PAMR1: variants seen among roughly 807,000 people sequenced by gnomAD.
PAMR1 encodes inactive serine protease PAMR1.
In PAMR1, 88 loss-of-function variants were observed where a neutral mutation model predicts 81.8. The ratio of observed to expected loss-of-function variants is 1.08; its 90% CI spans 0.91 to 1.28. The LOEUF (loss-of-function observed/expected upper bound fraction) is 1.28, where lower values mean the gene tolerates loss of function less well. Ranked by LOEUF, PAMR1 falls within the 50% of genes most tolerant of loss-of-function variation. The probability of loss-of-function intolerance (pLI) is 0.00; values close to 1 mark genes in which losing one functional copy is unlikely to be tolerated. For synonymous variants in PAMR1, 336 were observed against 345.3 expected (o/e 0.97, Z 0.30); for missense variants, 935 against 919.7 (o/e 1.02, Z -0.21).
intron 3 of PAMR1, among the ~76,000 whole-genome samples, chr11:35,489,989 G>A (rs1009091042): frequency 2.0e-5 from 3 of 152,232 alleles, no homozygotes; most frequent in Non-Finnish European, 4.4e-5. Context: ...CTGAGACTGG[G>A]TAATTTGTAA....
At chr11:35,528,782 C>A (rs7937700), upstream of PAMR1, among the ~76,000 whole-genome samples, 3,735 of 152,228 alleles carry the variant, frequency 0.025, 162 homozygotes, top group African/African-American at 0.085. Context: ...AGAGGCCCTT[C>A]TTCTGTTTCT....
chr11:35,463,654 A>G (rs1303494401), intron 6 of PAMR1, among the ~76,000 whole-genome samples: 2 of 152,196 alleles, frequency 1.3e-5, no homozygotes, highest in Non-Finnish European at 2.9e-5. Flanking sequence ...GCAGGAGGCT[A>G]GCTTGGCCTC....
upstream of PAMR1, chr11:35,530,079 G>A (rs763497287): frequency 6.6e-6 from 1 of 152,162 alleles, no homozygotes; most frequent in Non-Finnish European, 1.5e-5. Flanking sequence ...CACTGGGAAA[G>A]CCAGAGGAAA....
At chr11:35,452,542 G>A (rs1263822851) in intron 6 of PAMR1, among the ~76,000 whole-genome samples, 1 of 152,156 alleles carries the variant, frequency 6.6e-6, no homozygotes, top group East Asian at 1.9e-4. Flanking sequence ...AAGCAGCCAA[G>A]GGTTGGGGGA....
intron 5 of PAMR1, 121 bp from the exon 6 acceptor site, chr11:35,468,229 C>T (rs891014937): frequency 1.8e-5 from 11 of 605,770 alleles, no homozygotes; most frequent in Middle Eastern, 2.6e-4. Context: ...TTTTTCTTCC[C>T]TTTACTGAAT....
intron 6 of PAMR1, among the ~76,000 whole-genome samples, chr11:35,459,120 T>G (rs934952620): frequency 1.2e-4 from 18 of 152,314 alleles, no homozygotes; most frequent in African/African-American, 4.3e-4. Context: ...TATTTTTTCA[T>G]CCGGCAGCAA....
In PAMR1 at chr11:35,492,164, A is replaced by G. The variant is rs774135278; in HGVS notation, c.260T>C (p.Ile87Thr). The G allele has an allele frequency of 1.2e-6, 2 of 1,614,150 alleles. No homozygotes were observed. The highest frequency in any genetic ancestry group is 2.2e-5 in the South Asian group (2 of 91,076). ...DSCLIHPGCT[I>T]FENCKSCRNG... ...TCGGCAGCTCTTGCAGTTTTCAAAG[A>G]TGGTACAACCTGAAACATTCCCAAG... The change falls in exon 3 of 11, where the codon ATC becomes ACC. Residue 87 changes from isoleucine (I) to threonine (T), a missense_variant. Transcript: ENST00000619888.
At chr11:35,437,290 A>G (rs1856072288) in intron 8 of PAMR1, among the ~76,000 whole-genome samples, 1 of 152,228 alleles carries the variant, frequency 6.6e-6, no homozygotes, top group Admixed American at 6.5e-5. Flanking sequence ...GGAAGTGCAG[A>G]GAGGCAAGTG....
intron 8 of PAMR1, among the ~76,000 whole-genome samples, chr11:35,437,427 C>G (rs1183003191): frequency 6.6e-6 from 1 of 152,248 alleles, no homozygotes; most frequent in Non-Finnish European, 1.5e-5. Flanking sequence ...ATATACAGTG[C>G]TTGGCTCAGA....
intron 3 of PAMR1, among the ~76,000 whole-genome samples, chr11:35,489,544 C>A (rs116510739): frequency 0.016 from 2,509 of 152,286 alleles, 69 homozygotes; most frequent in African/African-American, 0.058. Context: ...ATGGTACTCC[C>A]CAGATTAAAC....
At position 35,441,800 on chromosome 11, in the gene PAMR1, C is replaced by T. The variant is rs183237526; in HGVS notation, c.821-107G>A. 1.5e-5 allele frequency: 10 copies of T among 678,594 alleles called. No homozygotes were observed. The East Asian group carries it at 2.9e-4, about 19-fold the overall frequency. The allele number at this position is 678,594 out of a possible 1,614,324, so 42.0% of individuals were successfully genotyped here. On this transcript the variant is annotated intron_variant, in intron 6 of 10. Coordinates refer to ENST00000619888, the MANE Select transcript of PAMR1 (RefSeq NM_001001991.3). ...AACTAAAAATACAATGATATAGGATCTGGTGCTCAAAAGAATTACTAAAAT... is the reference window on the plus strand; with the variant it reads ...AACTAAAAATACAATGATATAGGATTTGGTGCTCAAAAGAATTACTAAAAT...
chr11:35,506,273 T>C lies in PAMR1; in HGVS notation c.74-12001A>G, dbSNP rs1036659157. ...TGTACTATTATTGCTTTTGACAGAT[T>C]TGTCTTTTAGGCTTCATACTAGAGT... On this transcript the variant is annotated intron_variant, in intron 1 of 10. Transcript: ENST00000619888. 3.9e-5 allele frequency among the ~76,000 whole-genome samples: 6 copies of C among 152,156 alleles called. 1 individual carries two copies. Among genetic ancestry groups the C allele is most frequent in the Admixed American group, 3.9e-4 (6 of 15,284 alleles).
At chr11:35,454,569 G>A (rs1039261187) in intron 6 of PAMR1, among the ~76,000 whole-genome samples, 3 of 152,142 alleles carry the variant, frequency 2.0e-5, no homozygotes, top group South Asian at 2.1e-4. Context: ...ACCCAAGCAC[G>A]TGACTCAGGG....
At chr11:35,498,684 G>A (rs1008616998) in intron 1 of PAMR1, among the ~76,000 whole-genome samples, 7 of 152,022 alleles carry the variant, frequency 4.6e-5, no homozygotes, top group East Asian at 1.9e-4. Flanking sequence ...ATGCTCACCC[G>A]ACTCCGTCCA....
chr11:35,440,167 C>G (rs1209518869), intron 7 of PAMR1, among the ~76,000 whole-genome samples: 1 of 152,218 alleles, frequency 6.6e-6, no homozygotes, highest in African/African-American at 2.4e-5. Flanking sequence ...AGGCCCCTAA[C>G]AATCACTTGA....
chr11:35,518,202 C>T (rs555414084), intron 1 of PAMR1, among the ~76,000 whole-genome samples: 1 of 123,376 alleles, frequency 8.1e-6, no homozygotes, highest in Non-Finnish European at 1.7e-5. Context: ...AATGAGGATT[C>T]CTTACCACCA....
chr11:35,446,111 T>C (rs190713615), intron 6 of PAMR1, among the ~76,000 whole-genome samples: 28 of 152,368 alleles, frequency 1.8e-4, no homozygotes, highest in Middle Eastern at 6.8e-3. Context: ...TTTTCTAGTT[T>C]ATTTGCATAG....
intron 6 of PAMR1, among the ~76,000 whole-genome samples, chr11:35,449,562 C>T (rs765682440): frequency 2.0e-5 from 3 of 152,224 alleles, no homozygotes; most frequent in Non-Finnish European, 4.4e-5. Flanking sequence ...TCCGATCTTT[C>T]TGGACCAGCA....
intron 6 of PAMR1, chr11:35,453,476 A>ACTGGCTATTATT (rs200959602): frequency 1.3e-5 from 2 of 151,620 alleles, no homozygotes; most frequent in Admixed American, 1.3e-4. Flanking sequence ...TCAAACAACT[A>ACTGGCTATTATT]CTCCCTTACC....
Sources: allele counts gnomAD v4.1 joint callset (sites outside exome capture counted in the v4.1 genomes callset), GRCh38; gene constraint gnomAD v4.1.1; transcripts MANE v1.5; gene names NCBI Gene and HGNC (gene_info 2026-07-23, HGNC 2026-07-21).